Variants in GNG7 observed in about 807,000 individuals in gnomAD.
The protein encoded by GNG7 is G protein subunit gamma 7.
Under a neutral mutation model 4.0 loss-of-function variants are expected in GNG7, and 1 was observed. The observed-to-expected ratio is 0.25, with a 90% CI of 0.09 to 1.18. The LOEUF is 1.18. Among genes scored for constraint, GNG7 ranks in the 50% most tolerant of loss-of-function variants. The pLI, the probability that GNG7 is intolerant of heterozygous loss-of-function variation, is 0.50. For synonymous variants in GNG7, 34 were observed against 36.9 expected (o/e 0.92, Z 0.29); for missense variants, 86 against 91.9 (o/e 0.94, Z 0.26).
chr19:2,584,795 GGAAA>G (rs1980607084), intron 2 of GNG7, among the ~76,000 whole-genome samples: 1 of 40,900 alleles, frequency 2.4e-5, no homozygotes, highest in African/African-American at 1.7e-4. Flanking sequence ...AAAGAAGGAA[GGAAA>G]GAAGGAAGGA....
chr19:2,661,662 G>A (rs1333817661), intron 1 of GNG7, among the ~76,000 whole-genome samples: 4 of 117,046 alleles, frequency 3.4e-5, no homozygotes, highest in Non-Finnish European at 5.1e-5. Flanking sequence ...GACAAAGTGA[G>A]ACTCCATTAA....
Position 2,513,606 on chromosome 19 carries a change from C to T in GNG7, c.*1416G>A, listed in dbSNP as rs897175968. ...AAGGCATCTCCCGGCCTCAGACAGC[C>T]GTCCTGGGTTGCACGGGGGTGGAAA... On this transcript the variant is annotated 3_prime_UTR_variant, in exon 5 of 5. Transcript: ENST00000382159. 1.1e-5 allele frequency: 11 copies of T among 984,830 alleles called. No individual in the cohort carries two copies. Among genetic ancestry groups the T allele is most frequent in the African/African-American group, 7.0e-5 (4 of 57,210 alleles). 61.0% of individuals were successfully genotyped at this position (984,830 alleles called of 1,614,324 possible).
At chr19:2,584,306 C>T (rs935504844) in intron 2 of GNG7, among the ~76,000 whole-genome samples, 6 of 99,486 alleles carry the variant, frequency 6.0e-5, no homozygotes, top group South Asian at 5.9e-4. Flanking sequence ...AAAAAAAAAG[C>T]GATGGCACGT....
chr19:2,538,780 T>A (rs1385547674), intron 3 of GNG7: 3 of 403,490 alleles, frequency 7.4e-6, no homozygotes, highest in Non-Finnish European at 9.6e-6. Flanking sequence ...TTTTTTTCTT[T>A]TTTTTTGAGA....
Position 2,619,679 on chromosome 19 carries a change from A to G in GNG7, c.-78+26545T>C, listed in dbSNP as rs559750424. Among the ~76,000 whole-genome samples, 8 of 152,230 alleles carry G rather than the reference A, an allele frequency of 5.3e-5. No individual in the cohort carries two copies. The East Asian group carries it at 9.7e-4, about 18-fold the overall frequency. On this transcript the variant is annotated intron_variant, in intron 2 of 4. Coordinates refer to ENST00000382159, the MANE Select transcript of GNG7 (RefSeq NM_052847.3). Reference sequence around the variant, plus strand: ...AGGAGCCAGAGACAGAGGGCCACGCAGTGTGTGATCCCATTTCTACGAAAT... The same window carrying G: ...AGGAGCCAGAGACAGAGGGCCACGCGGTGTGTGATCCCATTTCTACGAAAT...
intron 2 of GNG7, among the ~76,000 whole-genome samples, chr19:2,582,515 C>T (rs28783194): frequency 0.37 from 56,467 of 151,734 alleles, 12,196 homozygotes; most frequent in African/African-American, 0.58. Flanking sequence ...CAGGGTCTTG[C>T]TCTGTTGCCC....
intron 2 of GNG7, chr19:2,632,451 A>G (rs1391083956): frequency 6.7e-6 from 1 of 150,370 alleles, no homozygotes; most frequent in African/African-American, 2.5e-5. Flanking sequence ...AAACAAAAAA[A>G]CCCAACCTGC....
At chr19:2,523,442 A>G (rs1978320418) in intron 3 of GNG7, among the ~76,000 whole-genome samples, 1 of 151,950 alleles carries the variant, frequency 6.6e-6, no homozygotes, top group African/African-American at 2.4e-5. Context: ...GGTCCCAGCT[A>G]CTTGGGAGGC....
intron 2 of GNG7, among the ~76,000 whole-genome samples, chr19:2,569,341 T>A (rs1053314019): frequency 6.6e-6 from 1 of 152,136 alleles, no homozygotes; most frequent in African/African-American, 2.4e-5. Flanking sequence ...AGTGGCGCGA[T>A]CTCGGCTCAC....
intron 3 of GNG7, among the ~76,000 whole-genome samples, chr19:2,530,602 C>A (rs1424423060): frequency 6.6e-6 from 1 of 150,946 alleles, no homozygotes; most frequent in Non-Finnish European, 1.5e-5. Context: ...TGCCTGTAGT[C>A]CCAGCTACTC....
intron 3 of GNG7, among the ~76,000 whole-genome samples, chr19:2,550,189 ACT>A (rs1423113248): frequency 1.3e-4 from 20 of 151,990 alleles, no homozygotes; most frequent in Admixed American, 1.3e-3. Flanking sequence ...GCTGGGAGGC[ACT>A]CTCTCATCCA....
At chr19:2,686,668 G>A (rs1260921611) in intron 1 of GNG7, among the ~76,000 whole-genome samples, 2 of 152,136 alleles carry the variant, frequency 1.3e-5, no homozygotes, top group Non-Finnish European at 2.9e-5. Context: ...GGAAGACGAC[G>A]AGTTTCCAAC....
At chr19:2,613,089 A>G (rs771342799) in intron 2 of GNG7, among the ~76,000 whole-genome samples, 22 of 152,156 alleles carry the variant, frequency 1.4e-4, no homozygotes, top group Admixed American at 5.9e-4. Flanking sequence ...AGGTAGAACC[A>G]GCCAGGGAAA....
chr19:2,656,197 A>G (rs2144872286), intron 1 of GNG7, among the ~76,000 whole-genome samples: 1 of 152,336 alleles, frequency 6.6e-6, no homozygotes, highest in South Asian at 2.1e-4. Flanking sequence ...ATGATCCAGT[A>G]ATCCCACTTC....
intron 3 of GNG7, among the ~76,000 whole-genome samples, chr19:2,553,868 C>T (rs1289958850): frequency 3.4e-5 from 5 of 147,430 alleles, no homozygotes; most frequent in East Asian, 3.9e-4. Flanking sequence ...TTATATGTAA[C>T]ATTGCATACA....
intron 1 of GNG7, among the ~76,000 whole-genome samples, chr19:2,686,240 C>T (rs1983867685): frequency 6.6e-6 from 1 of 152,016 alleles, no homozygotes; most frequent in African/African-American, 2.4e-5. Context: ...TCACTGCAAC[C>T]TCCGCCACCC....
At chr19:2,563,339 C>A (rs1979804983) in intron 2 of GNG7, among the ~76,000 whole-genome samples, 2 of 152,196 alleles carry the variant, frequency 1.3e-5, no homozygotes, top group Non-Finnish European at 2.9e-5. Context: ...CCGTCCTCGG[C>A]ACTGTAGGCT....
At chr19:2,595,699 C>CA (rs1375894584) in intron 2 of GNG7, among the ~76,000 whole-genome samples, 1 of 148,830 alleles carries the variant, frequency 6.7e-6, no homozygotes, top group Non-Finnish European at 1.5e-5. Context: ...CGCACCACTG[C>CA]ACTCCAGCCT....
intron 2 of GNG7, among the ~76,000 whole-genome samples, chr19:2,615,658 T>C (rs1292251613): frequency 6.6e-6 from 1 of 151,182 alleles, no homozygotes; most frequent in Non-Finnish European, 1.5e-5. Flanking sequence ...AGACATGGGG[T>C]TTCACCATGT....
Sources: allele counts gnomAD v4.1 joint callset (sites outside exome capture counted in the v4.1 genomes callset), GRCh38; gene constraint gnomAD v4.1.1; transcripts MANE v1.5; gene names NCBI Gene and HGNC (gene_info 2026-07-23, HGNC 2026-07-21).